The following RGSL1 variants were observed in gnomAD, a reference collection of about 807,000 sequenced individuals.
The protein encoded by RGSL1 is regulator of G protein signaling like 1, also known as regulator of G protein signaling protein-like.
A neutral mutation model predicts 124.7 loss-of-function variants in RGSL1; 97 were observed. The ratio of observed to expected loss-of-function variants is 0.78; its 90% CI spans 0.66 to 0.92. The LOEUF (loss-of-function observed/expected upper bound fraction) is 0.92. Among genes scored for constraint, RGSL1 ranks in the 40% least tolerant of loss-of-function variants. The pLI is 0.00. For synonymous variants in RGSL1, 424 were observed against 438.1 expected (o/e 0.97, Z 0.40); for missense variants, 1,233 against 1,288.4 (o/e 0.96, Z 0.66).
intron 14 of RGSL1, among the ~76,000 whole-genome samples, chr1:182,533,982 AG>A (rs1162619161): frequency 1.3e-5 from 2 of 152,216 alleles, no homozygotes; most frequent in Non-Finnish European, 2.9e-5. Flanking sequence ...AACTGCCATC[AG>A]GCCAGTTGGA....
chr1:182,459,984 C>T lies in RGSL1; in HGVS notation c.172-20C>T. 6.5e-7 allele frequency: 1 copy of T among 1,542,814 alleles called. No individual in the cohort carries two copies. Among genetic ancestry groups the T allele is most frequent in the Non-Finnish European group, 8.7e-7 (1 of 1,144,038 alleles). ...TCGGTTTCACTTAGCATTTTTGTTT[C>T]TATTTTGCTTTGACTCTAGATTGCC... On this transcript the variant is annotated intron_variant, in intron 3 of 21. Coordinates refer to ENST00000294854, the MANE Select transcript of RGSL1 (RefSeq NM_001137669.2).
At chr1:182,545,051 T>G (rs1356429449) in intron 15 of RGSL1, among the ~76,000 whole-genome samples, 5 of 152,094 alleles carry the variant, frequency 3.3e-5, no homozygotes, top group Non-Finnish European at 7.4e-5. Context: ...TTTCTGGTTG[T>G]TTTTGAACTC....
chr1:182,474,458 C>T lies in RGSL1; in HGVS notation c.1347C>T (p.Ser449=). The part of the protein sequence containing the change: ...EQIGPCLPLK[S]QTIQGLKELL... The stretch of plus-strand genomic sequence containing the variant: ...TTGGTCCGTGCTTACCACTCAAATC[C>T]CAAACCATTCAGGGCCTGAAGGAAC... The change falls in exon 6 of 22, where the codon TCC becomes TCT. Residue 449 remains serine, a synonymous_variant. Coordinates refer to ENST00000294854, the MANE Select transcript of RGSL1 (RefSeq NM_001137669.2). 2 of 1,551,938 alleles carry T rather than the reference C, an allele frequency of 1.3e-6. No individual in the cohort carries two copies. Among genetic ancestry groups the T allele is most frequent in the South Asian group, 1.2e-5 (1 of 84,056 alleles).
chr1:182,491,350 G>A (rs963593860), intron 8 of RGSL1, among the ~76,000 whole-genome samples: 4 of 151,916 alleles, frequency 2.6e-5, no homozygotes, highest in Admixed American at 6.6e-5. Context: ...AGAGTAGCTG[G>A]GATTACAGGC....
At chr1:182,469,278 T>C (rs1466442995) in intron 4 of RGSL1, among the ~76,000 whole-genome samples, 2 of 152,130 alleles carry the variant, frequency 1.3e-5, no homozygotes, top group East Asian at 3.8e-4. Flanking sequence ...AAAGGATTGA[T>C]ATCCAGAATA....
chr1:182,467,419 G>T (rs1282298260), intron 4 of RGSL1, among the ~76,000 whole-genome samples: 3 of 152,196 alleles, frequency 2.0e-5, no homozygotes, highest in African/African-American at 7.2e-5. Context: ...CCAAAACAGA[G>T]ATATAGACCA....
chr1:182,531,270 CA>C (rs779591773), intron 13 of RGSL1, among the ~76,000 whole-genome samples: 23 of 152,276 alleles, frequency 1.5e-4, no homozygotes, highest in Non-Finnish European at 3.4e-4. Flanking sequence ...TACTGTATAA[CA>C]AAAGGTGAGC....
At chr1:182,544,670 G>A (rs1191217643) in intron 15 of RGSL1, among the ~76,000 whole-genome samples, 3 of 151,908 alleles carry the variant, frequency 2.0e-5, no homozygotes, top group African/African-American at 4.8e-5. Flanking sequence ...ATACTTGGGT[G>A]CTCTCATGTT....
At chr1:182,510,691 AG>A (rs1434938760) in intron 9 of RGSL1, among the ~76,000 whole-genome samples, 2 of 6,856 alleles carry the variant, frequency 2.9e-4, no homozygotes, top group African/African-American at 5.0e-4. Flanking sequence ...AGGGAGAGGG[AG>A]AGGGAGAGGG....
chr1:182,545,415 T>C (rs12747800), intron 15 of RGSL1, among the ~76,000 whole-genome samples: 15,625 of 152,260 alleles, frequency 0.1, 1,107 homozygotes, highest in Admixed American at 0.16. Context: ...TTAGGCTTCA[T>C]ACTAGAGTTA....
At chr1:182,526,565 T>A (rs531735452) in intron 10 of RGSL1, among the ~76,000 whole-genome samples, 1 of 151,926 alleles carries the variant, frequency 6.6e-6, no homozygotes, top group Non-Finnish European at 1.5e-5. Flanking sequence ...TTACAGCTAC[T>A]TGGGGGCTAA....
intron 9 of RGSL1, among the ~76,000 whole-genome samples, chr1:182,520,329 T>C (rs1375817586): frequency 1.3e-5 from 2 of 152,218 alleles, no homozygotes; most frequent in African/African-American, 2.4e-5. Context: ...TCAGGGCCTC[T>C]TCTCCTTTTG....
intron 9 of RGSL1, among the ~76,000 whole-genome samples, chr1:182,498,615 T>C (rs1324702622): frequency 6.6e-6 from 1 of 152,232 alleles, no homozygotes; most frequent in Non-Finnish European, 1.5e-5. Context: ...GATTGTTTAG[T>C]TTCCAAGTAA....
At chr1:182,488,914 C>T (rs539427853) in intron 7 of RGSL1, 66 bp from the exon 8 acceptor site, 45 of 1,340,568 alleles carry the variant, frequency 3.4e-5, no homozygotes, top group African/African-American at 4.4e-5. Flanking sequence ...TGAGTTATTA[C>T]AAAATTATTG....
intron 11 of RGSL1, among the ~76,000 whole-genome samples, chr1:182,529,571 C>A (rs765910844): frequency 2.0e-5 from 3 of 152,110 alleles, no homozygotes; most frequent in Non-Finnish European, 2.9e-5. Flanking sequence ...AAGATAGAGC[C>A]TCCTGTTTTG....
chr1:182,494,648 CTTCT>C (rs902910330), intron 9 of RGSL1, among the ~76,000 whole-genome samples: 2 of 151,680 alleles, frequency 1.3e-5, no homozygotes, highest in Non-Finnish European at 2.9e-5. Context: ...AAATGGAACA[CTTCT>C]TTCATTCATT....
chr1:182,498,798 TTG>T (rs1272923431), intron 9 of RGSL1, among the ~76,000 whole-genome samples: 16 of 150,886 alleles, frequency 1.1e-4, no homozygotes, highest in South Asian at 2.1e-4. Context: ...CTTTGTTTGT[TTG>T]TTTTTTTTTG....
chr1:182,470,467 G>T (rs1571503504), intron 4 of RGSL1, among the ~76,000 whole-genome samples: 1 of 152,120 alleles, frequency 6.6e-6, no homozygotes, highest in East Asian at 1.9e-4. Flanking sequence ...CTTTGCACTG[G>T]CTTTTTCCTC....
At chr1:182,459,627 T>C (rs1652641148) in intron 3 of RGSL1, among the ~76,000 whole-genome samples, 1 of 152,196 alleles carries the variant, frequency 6.6e-6, no homozygotes, top group Admixed American at 6.5e-5. Context: ...ATGAGTGTGT[T>C]TACAAAGAAG....
Sources: gnomAD v4.1 joint callset for allele counts (sites outside exome capture counted in the v4.1 genomes callset) on GRCh38, gnomAD v4.1.1 for gene constraint, MANE v1.5 for transcripts, NCBI Gene and HGNC (gene_info 2026-07-23, HGNC 2026-07-21) for gene names.